MFSD11: variants seen among roughly 807,000 people sequenced by gnomAD.
The protein encoded by MFSD11 is UNC93-like protein MFSD11.
In MFSD11, 36 loss-of-function variants were observed where a neutral mutation model predicts 53.5. That is an observed-to-expected ratio of 0.67 (90% confidence interval 0.52 to 0.89). The LOEUF (loss-of-function observed/expected upper bound fraction) is 0.89, where lower values mean the gene tolerates loss of function less well. Among genes scored for constraint, MFSD11 ranks in the 40% least tolerant of loss-of-function variants. The pLI is 0.00. For missense variants in MFSD11, 530 were observed against 543.9 expected, an observed-to-expected ratio of 0.97 and a Z score of 0.25; for synonymous variants, 186 against 184.9, an observed-to-expected ratio of 1.01 and a Z score of -0.05.
the MFSD11 span, among the ~76,000 whole-genome samples, chr17:76,801,076 A>C: frequency 1.5e-5 from 2 of 132,768 alleles, no homozygotes; most frequent in Non-Finnish European, 3.1e-5. Flanking sequence ...ACTCGGTCTG[A>C]AAAAAAAAAA....
At position 76,744,447 on chromosome 17, in the gene MFSD11, C is replaced by G. The variant is rs1369762375; in HGVS notation, c.622C>G (p.Gln208Glu). The change falls in exon 7 of 13, where the codon CAG becomes GAG. Residue 208 changes from glutamine to glutamate, a missense_variant. Gln to Glu is a conservative substitution (Grantham distance 29). Transcript: ENST00000685175. ...VLGEDESSDD[Q>E]DMEVNESAQN... ...AGGAGAAGATGAGTCTTCTGATGAC[C>G]AGGACATGGAAGTCAACGAGTAAGA... The G allele has an allele frequency of 6.2e-7, 1 of 1,611,564 alleles. No individual in the cohort carries two copies. Among genetic ancestry groups the G allele is most frequent in the Non-Finnish European group, 8.5e-7 (1 of 1,179,332 alleles).
At chr17:76,793,251 T>C in the MFSD11 span, among the ~76,000 whole-genome samples, 1 of 151,298 alleles carries the variant, frequency 6.6e-6, no homozygotes, top group South Asian at 2.1e-4. Flanking sequence ...GCTTATTTCA[T>C]CCCTACAGTT....
chr17:76,741,955 C>G lies in MFSD11; in HGVS notation c.261-14C>G, dbSNP rs200290733. The G allele has an allele frequency of 8.6e-5, 138 of 1,614,014 alleles. No homozygotes were observed. The African/African-American group carries it at 1.6e-3, about 19-fold the overall frequency. ...TATCGTTTGACTGTAATACCTTGAC[C>G]TGTTATATTTTAGCATGTACATTGC... On this transcript the variant is annotated splice_polypyrimidine_tract_variant and intron_variant, in intron 3 of 12. Coordinates refer to ENST00000685175, the MANE Select transcript of MFSD11 (RefSeq NM_001242532.5).
the MFSD11 span, among the ~76,000 whole-genome samples, chr17:76,794,480 G>GAAAA: frequency 7.2e-6 from 1 of 138,882 alleles, no homozygotes; most frequent in Non-Finnish European, 1.5e-5. Context: ...CCGTCTCAAA[G>GAAAA]AAAAAAAAAA....
chr17:76,775,137 A>G lies in MFSD11; in HGVS notation c.1015A>G (p.Lys339Glu), dbSNP rs1344826855. The change falls in exon 11 of 13, where the codon AAA (lysine) becomes GAA (glutamate). Residue 339 changes from lysine (K) to glutamate (E), a missense_variant. Lys to Glu is a moderately conservative substitution (Grantham distance 56). Transcript: ENST00000685175. Reference protein sequence around the residue: ...MPGDAPIAPVKGTDSSAYIKS... With the variant: ...MPGDAPIAPVEGTDSSAYIKS... ...TGGAGATGCCCCGATTGCTCCTGTTAAAGGAACTGACAGCAGTGCTTACAT... is the reference window on the plus strand; with the variant it reads ...TGGAGATGCCCCGATTGCTCCTGTTGAAGGAACTGACAGCAGTGCTTACAT... The G allele has an allele frequency of 1.9e-6, 3 of 1,614,032 alleles. No individual in the cohort carries two copies. The East Asian group carries it at 6.7e-5, about 36-fold the overall frequency.
At chr17:76,783,211 T>A (rs2082214578), downstream of MFSD11, among the ~76,000 whole-genome samples, 1 of 152,104 alleles carries the variant, frequency 6.6e-6, no homozygotes, top group African/African-American at 2.4e-5. Context: ...TATGCTTGTC[T>A]TATATATGCT....
At chr17:76,761,583 G>A (rs1379069342) in intron 8 of MFSD11, among the ~76,000 whole-genome samples, 1 of 152,192 alleles carries the variant, frequency 6.6e-6, no homozygotes, top group African/African-American at 2.4e-5. Context: ...AAGACTGGAA[G>A]AAGATTCATT....
In MFSD11 at chr17:76,749,890, A is replaced by C. The variant is rs1213472834; in HGVS notation, c.642-4157A>C. On this transcript the variant is annotated intron_variant, in intron 7 of 12. Transcript: ENST00000685175. Reference sequence around the variant, plus strand: ...GGGCGATAGAGTGAGACTCCTTCTCAAAAAAAAAAAAAAAAAGCAGAGAAG... The same window carrying C: ...GGGCGATAGAGTGAGACTCCTTCTCCAAAAAAAAAAAAAAAAGCAGAGAAG... Among the ~76,000 whole-genome samples the C allele has an allele frequency of 2.4e-5, 3 of 124,744 alleles. No homozygotes were observed. The East Asian group carries it at 6.1e-4, about 25-fold the overall frequency. The allele number at this position is 124,744 out of a possible 152,430, so 81.8% of individuals were successfully genotyped here.
chr17:76,790,399 T>C, the MFSD11 span, among the ~76,000 whole-genome samples: 1 of 147,000 alleles, frequency 6.8e-6, no homozygotes, highest in East Asian at 2.0e-4. Flanking sequence ...TGGAGGGCAG[T>C]GGCGTGATCA....
intron 8 of MFSD11, among the ~76,000 whole-genome samples, chr17:76,756,125 T>G (rs1380811882): frequency 7.2e-6 from 1 of 138,118 alleles, no homozygotes; most frequent in Non-Finnish European, 1.6e-5. Context: ...CACCCAGATT[T>G]TTTTTTTTTT....
In MFSD11 at chr17:76,743,424, AT is replaced by A; in HGVS notation, c.468del (p.Phe156LeufsTer21). On this transcript the variant is annotated frameshift_variant, in exon 6 of 13. Transcript: ENST00000685175. LOFTEE classifies it high-confidence loss of function. ...SSLFFGNLYI[Y>X]FAWQGKTQIS... ...TTGTTCTTTGGAAATCTCTACATAT[AT>A]TTTGCCTGGCAAGGGAAAACTCAGA... The A allele has an allele frequency of 6.3e-7, 1 of 1,582,830 alleles. No individual in the cohort carries two copies. The highest frequency in any genetic ancestry group is 8.6e-7 in the Non-Finnish European group (1 of 1,166,674).
chr17:76,779,546 G>A (rs867950983), downstream of MFSD11, among the ~76,000 whole-genome samples: 1 of 151,960 alleles, frequency 6.6e-6, no homozygotes, highest in Non-Finnish European at 1.5e-5. Flanking sequence ...GTGCAGTGGC[G>A]TGATCTCAGC....
rs1160676560 is a variant in MFSD11 at position 76,743,453 on chromosome 17, T to C, written c.493T>C (p.Ser165Pro). 9.5e-6 allele frequency: 15 copies of C among 1,573,144 alleles called. No homozygotes were observed. The highest frequency in any genetic ancestry group is 1.2e-5 in the South Asian group (1 of 82,168). The change falls in exon 6 of 13, where the codon TCA becomes CCA. Residue 165 changes from serine to proline, a missense_variant. Ser to Pro is a moderately conservative substitution (Grantham distance 74). Transcript: ENST00000685175. Reference sequence around the variant, plus strand: ...TGCCTGGCAAGGGAAAACTCAGATATCAGGTTTGTTTTATTCGCGTTGCTT... The same window carrying C: ...TGCCTGGCAAGGGAAAACTCAGATACCAGGTTTGTTTTATTCGCGTTGCTT... ...YFAWQGKTQI[S>P]ESDRRTVFIA...
At chr17:76,744,589 G>A in intron 7 of MFSD11, 123 bp downstream of exon 7, 5 of 799,704 alleles carry the variant, frequency 6.3e-6, no homozygotes, top group Admixed American at 6.7e-5. Context: ...CCACAGGCAA[G>A]AAAAGGAAGA....
chr17:76,766,419 A>C (rs1275306069), intron 8 of MFSD11, among the ~76,000 whole-genome samples: 1 of 124,410 alleles, frequency 8.0e-6, no homozygotes, highest in Non-Finnish European at 1.7e-5. Flanking sequence ...ACTCTGTCTC[A>C]AAAAAAAAAA....
chr17:76,779,551 C>G (rs1180967028), downstream of MFSD11, among the ~76,000 whole-genome samples: 2 of 152,022 alleles, frequency 1.3e-5, no homozygotes, highest in Non-Finnish European at 2.9e-5. Context: ...GTGGCGTGAT[C>G]TCAGCTCACT....
At position 76,739,038 on chromosome 17, in the gene MFSD11, TG is replaced by T. The variant is rs747338446; in HGVS notation, c.152+46del. On this transcript the variant is annotated intron_variant, in intron 2 of 12. Coordinates refer to ENST00000685175, the MANE Select transcript of MFSD11 (RefSeq NM_001242532.5). ...ATTTTGCTTTATATTTGACAGTAGTTGCTTAAATCTCATCAGAATCACCAGC... is the reference window on the plus strand; with the variant it reads ...ATTTTGCTTTATATTTGACAGTAGTTCTTAAATCTCATCAGAATCACCAGC... The T allele has an allele frequency of 9.7e-6, 14 of 1,441,604 alleles. No individual in the cohort carries two copies. The South Asian group carries it at 1.6e-4, about 17-fold the overall frequency. 89.3% of individuals were successfully genotyped at this position (1,441,604 alleles called of 1,614,324 possible).
the MFSD11 span, among the ~76,000 whole-genome samples, chr17:76,793,527 G>A: frequency 1.3e-5 from 2 of 151,226 alleles, no homozygotes; most frequent in Non-Finnish European, 2.9e-5. Flanking sequence ...AAACACACAT[G>A]CTCTACAATT....
chr17:76,776,002 G>C lies in MFSD11; in HGVS notation c.1050-404G>C, dbSNP rs1424823862. Among the ~76,000 whole-genome samples the C allele has an allele frequency of 6.6e-6, 1 of 152,148 alleles. No individual in the cohort carries two copies. The highest frequency in any genetic ancestry group is 2.4e-5 in the African/African-American group (1 of 41,432). ...TTATTTATTTATTTATTTTGAGACA[G>C]AGTCTCACTCTGTCTGCCAGCCTAG... On this transcript the variant is annotated intron_variant, in intron 11 of 12. Transcript: ENST00000685175. The surrounding 1 kb of genome is among the most constrained non-coding windows in gnomAD (Gnocchi z 4.2).
Sources: gnomAD v4.1 joint callset for allele counts (sites outside exome capture counted in the v4.1 genomes callset) on GRCh38, gnomAD v4.1.1 for gene constraint, Gnocchi (gnomAD v3.1) non-coding constraint, MANE v1.5 for transcripts, NCBI Gene and HGNC (gene_info 2026-07-23, HGNC 2026-07-21) for gene names.